ABI1: variants seen among roughly 807,000 people sequenced by gnomAD.
ABI1 encodes Abelson interactor 1.
Under a neutral mutation model 54.6 loss-of-function variants are expected in ABI1, and 14 were observed. That is an observed-to-expected ratio of 0.26 (90% CI 0.17 to 0.40). The LOEUF is 0.40. Ranked by LOEUF, ABI1 falls within the 10% of genes least tolerant of loss-of-function variation. The probability of loss-of-function intolerance (pLI) is 1.00; values close to 1 mark genes in which losing one functional copy is unlikely to be tolerated. For missense variants in ABI1, 443 were observed against 598.3 expected, an observed-to-expected ratio of 0.74 and a Z score of 2.71; for synonymous variants, 194 against 209.3, an observed-to-expected ratio of 0.93 and a Z score of 0.63.
chr10:26,761,484 A>T (rs1839151562), intron 7 of ABI1, among the ~76,000 whole-genome samples: 1 of 151,066 alleles, frequency 6.6e-6, no homozygotes, highest in Non-Finnish European at 1.5e-5. Flanking sequence ...GTATAAAAAA[A>T]TTTAAATAAT....
At chr10:26,748,864 A>G (rs1192564680) in intron 10 of ABI1, 119 bp from the exon 11 acceptor site, 2 of 760,500 alleles carry the variant, frequency 2.6e-6, no homozygotes, top group Non-Finnish European at 4.1e-6. Flanking sequence ...AAGATTTCTT[A>G]ATTTTTGTAT....
At chr10:26,822,434 G>C (rs768732901) in intron 2 of ABI1, among the ~76,000 whole-genome samples, 2 of 152,138 alleles carry the variant, frequency 1.3e-5, no homozygotes, top group African/African-American at 2.4e-5. Flanking sequence ...CATAGGATTT[G>C]TAATAGCCAA....
Position 26,777,166 on chromosome 10 carries a change from T to C in ABI1, c.361A>G (p.Thr121Ala). Reference protein sequence around the residue: ...ILTTNKNTSRTHKIIAPANME... With the variant: ...ILTTNKNTSRAHKIIAPANME... ...TTCGCAGGTGCTATTATTTTGTGAG[T>C]TCTTGATGTATTCTTATTTGTTGTC... The change falls in exon 3 of 11, where the codon ACT (threonine) becomes GCT (alanine). Residue 121 changes from threonine (T) to alanine (A), a missense_variant. Physicochemically the swap from Thr to Ala is moderately conservative, Grantham distance 58. Transcript: ENST00000376140. 1 of 1,613,932 alleles carries C rather than the reference T, an allele frequency of 6.2e-7. No homozygotes were observed. Among genetic ancestry groups the C allele is most frequent in the Non-Finnish European group, 8.5e-7 (1 of 1,179,876 alleles).
chr10:26,800,617 A>G (rs1377713902), intron 2 of ABI1, among the ~76,000 whole-genome samples: 1 of 152,160 alleles, frequency 6.6e-6, no homozygotes, highest in Non-Finnish European at 1.5e-5. Flanking sequence ...TCTCTATAAA[A>G]TAAAACAAAA....
At chr10:26,797,303 G>T (rs1215838661) in intron 2 of ABI1, among the ~76,000 whole-genome samples, 1 of 152,136 alleles carries the variant, frequency 6.6e-6, no homozygotes, top group African/African-American at 2.4e-5. Flanking sequence ...GTAAAATGAG[G>T]TTGTTATAAG....
At chr10:26,764,945 T>C (rs1839731615) in intron 7 of ABI1, among the ~76,000 whole-genome samples, 1 of 152,124 alleles carries the variant, frequency 6.6e-6, no homozygotes, top group Admixed American at 6.6e-5. Flanking sequence ...CACTGAGGAA[T>C]GAATATATTT....
intron 2 of ABI1, among the ~76,000 whole-genome samples, chr10:26,793,976 T>G (rs1479863181): frequency 2.0e-5 from 3 of 152,138 alleles, no homozygotes; most frequent in African/African-American, 7.2e-5. Context: ...GGTGCAGTGG[T>G]TCACGCCTAT....
intron 1 of ABI1, among the ~76,000 whole-genome samples, chr10:26,857,988 A>C (rs1461832987): frequency 1.4e-4 from 21 of 152,240 alleles, no homozygotes; most frequent in Admixed American, 1.4e-3. Flanking sequence ...GCAAGAACTT[A>C]AATGCACCAC....
Position 26,746,727 on chromosome 10 carries a change from G to A in ABI1, c.*1843C>T. On this transcript the variant is annotated 3_prime_UTR_variant, in exon 11 of 11. Coordinates refer to ENST00000376140, the MANE Select transcript of ABI1 (RefSeq NM_001012750.3). ...TCAAGGTATCTTGATGGTTATATGT[G>A]GTATTGTTTACACTGTTAATATCCA... 2.1e-6 allele frequency: 1 copy of A among 485,306 alleles called. No homozygotes were observed. The highest frequency in any genetic ancestry group is 2.1e-5 in the South Asian group (1 of 47,946). 30.1% of individuals were successfully genotyped at this position (485,306 alleles called of 1,614,324 possible). A position where few individuals can be genotyped will look rare whatever the true frequency, so the allele number is the denominator to read the frequency against.
intron 2 of ABI1, among the ~76,000 whole-genome samples, chr10:26,799,596 T>C (rs1180533788): frequency 6.6e-6 from 1 of 152,170 alleles, no homozygotes; most frequent in African/African-American, 2.4e-5. Flanking sequence ...ACTGCCTTCG[T>C]TTGGATTTTC....
At position 26,807,440 on chromosome 10, in the gene ABI1, C is replaced by A. The variant is rs539180610; in HGVS notation, c.285+15698G>T. ...AAGGCTGCAGTGAACCATAATCACA[C>A]CACTGCATTCCAGCTTGGGCGACAA... On this transcript the variant is annotated intron_variant, in intron 2 of 10. Coordinates refer to ENST00000376140, the MANE Select transcript of ABI1 (RefSeq NM_001012750.3). Among the ~76,000 whole-genome samples, 34 of 152,240 alleles carry A rather than the reference C, an allele frequency of 2.2e-4. No homozygotes were observed. In the South Asian group the frequency reaches 6.4e-3, roughly 29 times the overall value.
At chr10:26,776,874 T>C (rs1306245532) in intron 3 of ABI1, 191 bp downstream of exon 3, 3 of 470,360 alleles carry the variant, frequency 6.4e-6, no homozygotes, top group African/African-American at 5.9e-5. Flanking sequence ...TTTAATATCT[T>C]TTTAATACAG....
intron 7 of ABI1, chr10:26,763,920 T>G (rs780392579): frequency 3.1e-6 from 5 of 1,613,356 alleles, no homozygotes; most frequent in Non-Finnish European, 4.2e-6. Flanking sequence ...CCAGAGGTGG[T>G]GCTGGTGGAG....
chr10:26,821,643 C>T (rs2047990927), intron 2 of ABI1, among the ~76,000 whole-genome samples: 1 of 151,870 alleles, frequency 6.6e-6, no homozygotes, highest in Admixed American at 6.6e-5. Context: ...ACTAAAAATA[C>T]AAAAAATTAG....
At chr10:26,785,659 A>C (rs1413208338) in intron 2 of ABI1, among the ~76,000 whole-genome samples, 3 of 151,464 alleles carry the variant, frequency 2.0e-5, no homozygotes, top group Non-Finnish European at 2.9e-5. Flanking sequence ...CAGGAGATGG[A>C]GGTTGCAGTG....
rs1842954582 is a variant in ABI1, at chr10:26,788,307, T to A, written c.286-11066A>T. On this transcript the variant is annotated intron_variant, in intron 2 of 10. Coordinates refer to ENST00000376140, the MANE Select transcript of ABI1 (RefSeq NM_001012750.3). ...CTTTTTCTTCCCAGTTTCAGGTATG[T>A]CTTTATCAGCAATGTGAAAACGGAC... 1.3e-5 allele frequency among the ~76,000 whole-genome samples: 2 copies of A among 152,230 alleles called. 1 individual carries two copies.
chr10:26,788,736 C>A (rs1843019198), intron 2 of ABI1, among the ~76,000 whole-genome samples: 1 of 152,046 alleles, frequency 6.6e-6, no homozygotes, highest in East Asian at 1.9e-4. Flanking sequence ...CACAGTGAAA[C>A]CCCGTCTCTA....
At chr10:26,773,783 T>G (rs1177837720) in intron 3 of ABI1, among the ~76,000 whole-genome samples, 1 of 152,160 alleles carries the variant, frequency 6.6e-6, no homozygotes, top group Non-Finnish European at 1.5e-5. Context: ...ACAATTAACT[T>G]CTAACCAATC....
At chr10:26,836,683 C>T (rs1242128906) in intron 1 of ABI1, among the ~76,000 whole-genome samples, 1 of 152,176 alleles carries the variant, frequency 6.6e-6, no homozygotes, top group Non-Finnish European at 1.5e-5. Context: ...TACCTCCCTA[C>T]CACCCCACCA....
Sources: allele counts gnomAD v4.1 joint callset (sites outside exome capture counted in the v4.1 genomes callset), GRCh38; gene constraint gnomAD v4.1.1; transcripts MANE v1.5; gene names NCBI Gene and HGNC (gene_info 2026-07-23, HGNC 2026-07-21).